Variants in ADAR observed in about 807,000 individuals in gnomAD.
ADAR encodes adenosine deaminase RNA specific, also known as double-stranded RNA-specific adenosine deaminase.
A neutral mutation model predicts 113.2 loss-of-function variants in ADAR; 41 were observed. The observed-to-expected ratio is 0.36, with a 90% CI of 0.28 to 0.47. The LOEUF is 0.47. Among genes scored for constraint, ADAR ranks in the 20% least tolerant of loss-of-function variants. ADAR has a pLI of 1.00. For missense variants in ADAR, 1,242 were observed against 1,540.9 expected, an observed-to-expected ratio of 0.81 and a Z score of 3.25; for synonymous variants, 605 against 572.6, an observed-to-expected ratio of 1.06 and a Z score of -0.81.
At chr1:154,604,334 G>A (rs1571118451) in intron 1 of ADAR, among the ~76,000 whole-genome samples, 1 of 152,152 alleles carries the variant, frequency 6.6e-6, no homozygotes, top group Admixed American at 6.6e-5. Context: ...CCCCGGTGAA[G>A]CTGCCAGTAA....
intron 1 of ADAR, among the ~76,000 whole-genome samples, chr1:154,603,712 T>C (rs1209505960): frequency 6.6e-6 from 1 of 152,126 alleles, no homozygotes; most frequent in Non-Finnish European, 1.5e-5. Flanking sequence ...GAAGTACTTA[T>C]AAGCCTGGGG....
chr1:154,602,420 C>T lies in ADAR; in HGVS notation c.222G>A (p.Arg74=), dbSNP rs150423721. The change falls in exon 2 of 15, where the codon AGG becomes AGA. Residue 74 remains arginine (R), a synonymous_variant. Coordinates refer to ENST00000368474, the MANE Select transcript of ADAR (RefSeq NM_001111.5). ...TACTGGAGGCAAGTAGTACTGGAAA[C>T]CTTGGCCGGAGTCCTGGGAGGGAAG... is the stretch of plus-strand genomic sequence containing the variant. The part of the protein sequence containing the change: ...LPPSLPGLRP[R]FPVLLASSTR... The T allele has an allele frequency of 8.8e-5, 141 of 1,608,158 alleles. No individual in the cohort carries two copies. The highest frequency in any genetic ancestry group is 1.1e-4 in the Non-Finnish European group (135 of 1,176,546).
intron 12 of ADAR, 98 bp downstream of exon 12, chr1:154,586,083 T>C: frequency 6.8e-7 from 1 of 1,480,878 alleles, no homozygotes; most frequent in Non-Finnish European, 9.4e-7. Context: ...ATGCTCACTT[T>C]GATAAGGGAG....
At chr1:154,608,828 A>AGGGG (rs1268448679), upstream of ADAR, 2 of 75,448 alleles carry the variant, frequency 2.7e-5, no homozygotes, top group African/African-American at 4.8e-5. Flanking sequence ...TCCAATGTGG[A>AGGGG]GGGGGGGGGG....
chr1:154,583,980 T>TCCA lies in ADAR; in HGVS notation c.*823_*825dup, dbSNP rs1696574697. On this transcript the variant is annotated 3_prime_UTR_variant, in exon 15 of 15. Transcript: ENST00000368474. ...GAGGCAGCTGGAAGCTTGGCAATAT[T>TCCA]CCAAGGCATGCCCGTGCTCCCTGGG... 2.0e-5 allele frequency: 3 copies of TCCA among 152,274 alleles called. No homozygotes were observed. The highest frequency in any genetic ancestry group is 2.0e-4 in the Admixed American group (3 of 15,280). 9.4% of individuals were successfully genotyped at this position (152,274 alleles called of 1,614,324 possible). A position where few individuals can be genotyped will look rare whatever the true frequency, so the allele number is the denominator to read the frequency against.
rs1696462489 is a variant in ADAR, at chr1:154,582,414, AC to A, written c.*2391del. 6.6e-6 allele frequency: 1 copy of A among 152,164 alleles called. No individual in the cohort carries two copies. Among genetic ancestry groups the A allele is most frequent in the Non-Finnish European group, 1.5e-5 (1 of 68,046 alleles). 9.4% of individuals were successfully genotyped at this position (152,164 alleles called of 1,614,324 possible). A position where few individuals can be genotyped will look rare whatever the true frequency, so the allele number is the denominator to read the frequency against. ...CTGCTTATTAAAAACAAAAGACTGG[AC>A]AAAGAAAGTGAAGATAACAGTGGGC... is the stretch of plus-strand genomic sequence containing the variant. On this transcript the variant is annotated 3_prime_UTR_variant, in exon 15 of 15. Transcript: ENST00000368474.
intron 1 of ADAR, among the ~76,000 whole-genome samples, chr1:154,606,898 T>C (rs1698220127): frequency 6.6e-6 from 1 of 150,808 alleles, no homozygotes. Flanking sequence ...TGCTTTTCCT[T>C]CAAGTTAGGC....
chr1:154,614,092 A>G (rs1698567501), intron 1 of ADAR, among the ~76,000 whole-genome samples: 1 of 152,196 alleles, frequency 6.6e-6, no homozygotes, highest in Non-Finnish European at 1.5e-5. Context: ...AACATTTGCA[A>G]TAATATTACA....
chr1:154,601,868 T>C lies in ADAR; in HGVS notation c.774A>G (p.Gly258=). 1 of 1,614,180 alleles carries C rather than the reference T, an allele frequency of 6.2e-7. No individual in the cohort carries two copies. Among genetic ancestry groups the C allele is most frequent in the East Asian group, 2.2e-5 (1 of 44,880 alleles). ...GGCTATGACTGTCTGGTCTTACCACTCCGCTGTGCTGGTTCCAAGCCTGAG... is the reference window on the plus strand; with the variant it reads ...GGCTATGACTGTCTGGTCTTACCACCCCGCTGTGCTGGTTCCAAGCCTGAG... ...VSAQAWNQHS[G]VVRPDSHSQG... Residue 258 remains glycine (G), a synonymous_variant, in exon 2 of 15, where the codon GGA becomes GGG. Coordinates refer to ENST00000368474, the MANE Select transcript of ADAR (RefSeq NM_001111.5). This position sits in a 1 kb window ranked among gnomAD's most constrained non-coding sequence, Gnocchi z 4.7.
rs749566934 is a variant in ADAR, at chr1:154,586,242, G to A, written c.3141C>T (p.Gly1047=). The change falls in exon 12 of 15, where the codon GGC becomes GGT. Residue 1047 remains glycine (G), a synonymous_variant. Transcript: ENST00000368474. ...SDKILRWNVL[G]LQGALLTHFL... ...AGTGGGTCAACAGTGCCCCTTGCAG[G>A]CCCAGCACGTTCCAGCGTAGGATTT... 6 of 1,614,198 alleles carry A rather than the reference G, an allele frequency of 3.7e-6. No individual in the cohort carries two copies. Among genetic ancestry groups the A allele is most frequent in the Non-Finnish European group, 5.1e-6 (6 of 1,180,038 alleles).
Position 154,602,497 on chromosome 1 carries a change from C to T in ADAR, c.145G>A (p.Gly49Arg). The T allele has an allele frequency of 6.2e-7, 1 of 1,614,168 alleles. No individual in the cohort carries two copies. ...ATCACCGGTGCTTCTGGGAGCTGCC[C>T]CTTGAGAAATTCTATTTGCTTAAGC... is the stretch of plus-strand genomic sequence containing the variant. Reference protein sequence around the residue: ...FLLKQIEFLKGQLPEAPVIGK... With the variant: ...FLLKQIEFLKRQLPEAPVIGK... Residue 49 changes from glycine to arginine, a missense_variant, in exon 2 of 15, where the codon GGG becomes AGG. Transcript: ENST00000368474.
At position 154,588,658 on chromosome 1, in the gene ADAR, C is replaced by T. The variant is rs746643040; in HGVS notation, c.2778G>A (p.Glu926=). ...CAGTCTGGGAGTTGTATTTCATTAACTCACTGTAGAGAAACCTACAAAAAG... is the reference window on the plus strand; with the variant it reads ...CAGTCTGGGAGTTGTATTTCATTAATTCACTGTAGAGAAACCTACAAAAAG... ...RRGFIRFLYS[E]LMKYNSQTAK... is the part of the protein sequence containing the mutation. The change falls in exon 10 of 15, where the codon GAG becomes GAA. Residue 926 remains glutamate (E), a synonymous_variant. Coordinates refer to ENST00000368474, the MANE Select transcript of ADAR (RefSeq NM_001111.5). 1.7e-5 allele frequency: 27 copies of T among 1,614,092 alleles called. 1 individual carries two copies. Among genetic ancestry groups the T allele is most frequent in the Admixed American group, 6.7e-5 (4 of 60,016 alleles).
At position 154,596,866 on chromosome 1, in the gene ADAR, A is replaced by G; in HGVS notation, c.2209T>C (p.Ser737Pro). The G allele has an allele frequency of 1.2e-6, 2 of 1,614,076 alleles. No homozygotes were observed. Among genetic ancestry groups the G allele is most frequent in the Non-Finnish European group, 8.5e-7 (1 of 1,180,030 alleles). The change falls in exon 6 of 15, where the codon TCC (serine) becomes CCC (proline). Residue 737 changes from serine to proline, a missense_variant. Ser to Pro is a moderately conservative substitution (Grantham distance 74, BLOSUM62 -1). Coordinates refer to ENST00000368474, the MANE Select transcript of ADAR (RefSeq NM_001111.5). Reference protein sequence around the residue: ...PVGGLLEYARSHGFAAEFKLV... With the variant: ...PVGGLLEYARPHGFAAEFKLV... ...TTGAATTCAGCAGCAAAGCCATGGG[A>G]GCGGGCGTACTCCAAAAGGCCACCC...
chr1:154,616,309 G>A (rs370131842), intron 1 of ADAR, among the ~76,000 whole-genome samples: 10 of 152,028 alleles, frequency 6.6e-5, no homozygotes, highest in East Asian at 5.8e-4. Context: ...ATCTTTACAC[G>A]ATGGCTCCAA....
Position 154,598,396 on chromosome 1 carries a change from AC to A in ADAR, c.1785+5del. The A allele has an allele frequency of 6.2e-7, 1 of 1,613,906 alleles. No individual in the cohort carries two copies. Among genetic ancestry groups the A allele is most frequent in the Non-Finnish European group, 8.5e-7 (1 of 1,179,882 alleles). ...TGATCCTCCCAGATGGCAGGAGGAC[AC>A]CTACCTTCTCTGATTCTTTCTCTGT... On this transcript the variant is annotated splice_donor_5th_base_variant and intron_variant, in intron 3 of 14. Coordinates refer to ENST00000368474, the MANE Select transcript of ADAR (RefSeq NM_001111.5).
rs1223076895 is a variant in ADAR at position 154,601,831 on chromosome 1, T to C, written c.811A>G (p.Asn271Asp). ...TCAGGTTCCAAACCTGGGTCTGAGT[T>C]TGGGGATCCTTGGCTATGACTGTCT... ...RPDSHSQGSP[N>D]SDPGLEPEDS... The change falls in exon 2 of 15, where the codon AAC becomes GAC. Residue 271 changes from asparagine to aspartate, a missense_variant. This residue lies in a region of ADAR where 462 missense variants were observed against 483.1 expected (regional missense o/e 0.96). Transcript: ENST00000368474. This position sits in a 1 kb window ranked among gnomAD's most constrained non-coding sequence, Gnocchi z 4.7. 6 of 1,614,228 alleles carry C rather than the reference T, an allele frequency of 3.7e-6. No homozygotes were observed. The highest frequency in any genetic ancestry group is 1.1e-5 in the South Asian group (1 of 91,088).
chr1:154,583,016 T>C lies in ADAR; in HGVS notation c.*1790A>G, dbSNP rs1127326. 91,942 of 152,182 alleles carry C rather than the reference T, an allele frequency of 0.6. 29,847 individuals carry two copies. The highest frequency in any genetic ancestry group is 0.77 in the South Asian group (3,704 of 4,832). The allele number at this position is 152,182 out of a possible 1,614,324, so 9.4% of individuals were successfully genotyped here. On this transcript the variant is annotated 3_prime_UTR_variant, in exon 15 of 15. Transcript: ENST00000368474. ...TTTTTGGTCAAAAGTACAGAGAGCA[T>C]AGAATAAAAGCAAAGATGTGAATGT...
intron 6 of ADAR, among the ~76,000 whole-genome samples, chr1:154,593,886 TTTTG>T (rs1219631641): frequency 1.6e-4 from 25 of 151,886 alleles, no homozygotes; most frequent in Non-Finnish European, 2.9e-4. Flanking sequence ...CTTCTGATTT[TTTTG>T]TTTTTTTTTT....
chr1:154,597,687 C>A, intron 4 of ADAR, 141 bp downstream of exon 4: 1 of 1,125,308 alleles, frequency 8.9e-7, no homozygotes, highest in Admixed American at 1.9e-5. Flanking sequence ...AAGCAGCAAC[C>A]AGGACCTCAG....
Sources: allele counts gnomAD v4.1 joint callset (sites outside exome capture counted in the v4.1 genomes callset), GRCh38; gene constraint gnomAD v4.1.1; regional missense constraint gnomAD v4.1.1; non-coding constraint Gnocchi (gnomAD v3.1); transcripts MANE v1.5; gene names NCBI Gene and HGNC (gene_info 2026-07-23, HGNC 2026-07-21).